Variants in GARIN2 observed in about 807,000 individuals in gnomAD.
The protein encoded by GARIN2 is golgi associated RAB2 interactor family member 2.
At chr14:67,200,726 T>A in the GARIN2 span, among the ~76,000 whole-genome samples, 2 of 152,208 alleles carry the variant, frequency 1.3e-5, no homozygotes, top group African/African-American at 4.8e-5. Context: ...TGATTTGATG[T>A]ACTTTACCTT....
chr14:67,192,786 GTA>G, the GARIN2 span, among the ~76,000 whole-genome samples: 3 of 146,992 alleles, frequency 2.0e-5, no homozygotes, highest in Non-Finnish European at 3.0e-5. Flanking sequence ...ACATATATAT[GTA>G]TGTGTGTGTA....
chr14:67,192,271 T>C, the GARIN2 span, among the ~76,000 whole-genome samples: 2 of 152,204 alleles, frequency 1.3e-5, no homozygotes, highest in African/African-American at 2.4e-5. Flanking sequence ...TGACAAAAGA[T>C]TCCATGTGTC....
chr14:67,202,529 A>T, the GARIN2 span, among the ~76,000 whole-genome samples: 1 of 152,230 alleles, frequency 6.6e-6, no homozygotes, highest in African/African-American at 2.4e-5. Context: ...CATCATTCCT[A>T]TTCTTTTACT....
chr14:67,225,964 C>CGT, the GARIN2 span, among the ~76,000 whole-genome samples: 2 of 42,490 alleles, frequency 4.7e-5, no homozygotes, highest in East Asian at 1.3e-3. Flanking sequence ...TGTGTGTGTG[C>CGT]GCGCGCGCGC....
chr14:67,197,559 C>A, the GARIN2 span, among the ~76,000 whole-genome samples: 20 of 152,050 alleles, frequency 1.3e-4, no homozygotes, highest in Admixed American at 3.3e-4. Flanking sequence ...CAGCAGGGAC[C>A]AGTGTTGTGG....
the GARIN2 span, chr14:67,203,036 AG>A: frequency 6.4e-7 from 1 of 1,552,820 alleles, no homozygotes; most frequent in African/African-American, 1.4e-5. Flanking sequence ...CAGGCAAGCA[AG>A]GTTGTCAAAG....
At chr14:67,220,116 T>A in the GARIN2 span, among the ~76,000 whole-genome samples, 1 of 152,206 alleles carries the variant, frequency 6.6e-6, no homozygotes, top group African/African-American at 2.4e-5. Context: ...TCAGTGACAC[T>A]TTATAACTGT....
chr14:67,212,471 G>A, the GARIN2 span, among the ~76,000 whole-genome samples: 1 of 151,174 alleles, frequency 6.6e-6, no homozygotes, highest in African/African-American at 2.4e-5. Flanking sequence ...TGTGCCTGTA[G>A]TCCCAGTTAT....
chr14:67,225,193 A>C, the GARIN2 span: 1 of 1,559,084 alleles, frequency 6.4e-7, no homozygotes, highest in South Asian at 1.2e-5. Context: ...TTCTCAAGGG[A>C]ATGAATGTGA....
the GARIN2 span, among the ~76,000 whole-genome samples, chr14:67,193,965 CG>C: frequency 1.1e-4 from 15 of 131,104 alleles, no homozygotes; most frequent in East Asian, 7.0e-4. Flanking sequence ...AAAAAAAAAA[CG>C]AAAAACAAAA....
the GARIN2 span, chr14:67,204,537 G>A: frequency 6.2e-7 from 1 of 1,611,746 alleles, no homozygotes; most frequent in Non-Finnish European, 8.5e-7. Context: ...TTGTTTGCAG[G>A]TTTCTCCCTC....
the GARIN2 span, chr14:67,198,191 G>T: frequency 1.2e-6 from 2 of 1,613,728 alleles, no homozygotes; most frequent in Non-Finnish European, 1.7e-6. Context: ...AGACTACCAT[G>T]AGGATCAATA....
At chr14:67,205,099 A>C in the GARIN2 span, 1 of 1,543,076 alleles carries the variant, frequency 6.5e-7, no homozygotes, top group South Asian at 1.2e-5. Flanking sequence ...GGTATGTGTC[A>C]CTGAAGACTT....
chr14:67,213,149 T>C, the GARIN2 span, among the ~76,000 whole-genome samples: 1 of 150,988 alleles, frequency 6.6e-6, no homozygotes, highest in Non-Finnish European at 1.5e-5. Flanking sequence ...AATTTTTTTT[T>C]AAATGTATTT....
the GARIN2 span, among the ~76,000 whole-genome samples, chr14:67,225,926 A>AGTGTGTGTGTGTGTGTGTGT: frequency 6.1e-3 from 827 of 136,686 alleles, 10 homozygotes; most frequent in Admixed American, 8.2e-3. Flanking sequence ...TAATGCTGTG[A>AGTGTGTGTGTGTGTGTGTGT]GTGTGTGTGT....
chr14:67,222,437 G>A, the GARIN2 span, among the ~76,000 whole-genome samples: 3 of 152,144 alleles, frequency 2.0e-5, no homozygotes, highest in East Asian at 1.9e-4. Context: ...GATTACAGGC[G>A]TTTGCCACCA....
chr14:67,211,898 T>G, the GARIN2 span, among the ~76,000 whole-genome samples: 1 of 152,150 alleles, frequency 6.6e-6, no homozygotes, highest in Non-Finnish European at 1.5e-5. Flanking sequence ...CAGAACCAGT[T>G]TCTGTAGGTT....
chr14:67,199,493 G>A, the GARIN2 span: 3 of 1,613,074 alleles, frequency 1.9e-6, no homozygotes, highest in Admixed American at 3.3e-5. Context: ...CAAAGGTTAT[G>A]CCTTTATTAA....
At chr14:67,214,941 G>A in the GARIN2 span, among the ~76,000 whole-genome samples, 2 of 152,088 alleles carry the variant, frequency 1.3e-5, no homozygotes, top group South Asian at 2.1e-4. Flanking sequence ...GTGAATGGGA[G>A]TTCACTCATG....
Sources: gnomAD v4.1 joint callset for allele counts (sites outside exome capture counted in the v4.1 genomes callset) on GRCh38, gnomAD v4.1.1 for gene constraint, MANE v1.5 for transcripts, NCBI Gene and HGNC (gene_info 2026-07-23, HGNC 2026-07-21) for gene names.